The following PPFIBP2 variants were observed in gnomAD, a reference collection of about 807,000 sequenced individuals.
The protein encoded by PPFIBP2 is PPFIB scaffold protein 2.
Under a neutral mutation model 118.3 loss-of-function variants are expected in PPFIBP2, and 118 were observed. The observed-to-expected ratio is 1.00, with a 90% CI of 0.86 to 1.16. The LOEUF is 1.16. PPFIBP2 is among the 50% of genes most tolerant of loss of function. The pLI is 0.00. For missense variants in PPFIBP2, 1,195 were observed against 1,073.1 expected, an observed-to-expected ratio of 1.11 and a Z score of -1.59; for synonymous variants, 414 against 397.4, an observed-to-expected ratio of 1.04 and a Z score of -0.50.
chr11:7,629,087 A>G (rs547083827), intron 9 of PPFIBP2, among the ~76,000 whole-genome samples: 1 of 152,332 alleles, frequency 6.6e-6, no homozygotes, highest in African/African-American at 2.4e-5. Flanking sequence ...ATATTGAGAT[A>G]AATATGACAG....
intron 5 of PPFIBP2, among the ~76,000 whole-genome samples, chr11:7,602,196 T>G (rs774303753): frequency 6.7e-6 from 1 of 148,838 alleles, no homozygotes; most frequent in Non-Finnish European, 1.5e-5. Context: ...AGCCTGAAAA[T>G]AGAACTCACA....
Position 7,565,628 on chromosome 11 carries a change from C to T in PPFIBP2, c.140C>T (p.Pro47Leu). The T allele has an allele frequency of 6.2e-7, 1 of 1,614,202 alleles. No homozygotes were observed. The highest frequency in any genetic ancestry group is 8.5e-7 in the Non-Finnish European group (1 of 1,180,026). ...GLASPASYMN[P>L]FPVLHLIEDL... Reference sequence around the variant, plus strand: ...GCTTCCCCGGCCTCCTACATGAACCCCTTCCCGGTGCTCCATCTCATCGAG... The same window carrying T: ...GCTTCCCCGGCCTCCTACATGAACCTCTTCCCGGTGCTCCATCTCATCGAG... The change falls in exon 3 of 24, where the codon CCC becomes CTC. Residue 47 changes from proline to leucine, a missense_variant. Physicochemically the swap from Pro to Leu is moderately conservative, Grantham distance 98. Transcript: ENST00000299492.
chr11:7,537,829 C>CTCCCCAA (rs910694072), intron 1 of PPFIBP2, among the ~76,000 whole-genome samples: 1 of 152,180 alleles, frequency 6.6e-6, no homozygotes, highest in South Asian at 2.1e-4. Context: ...CCGCTCCCCA[C>CTCCCCAA]TCCCCAATCC....
chr11:7,523,415 G>C (rs1849939850), intron 1 of PPFIBP2, among the ~76,000 whole-genome samples: 1 of 152,180 alleles, frequency 6.6e-6, no homozygotes, highest in African/African-American at 2.4e-5. Context: ...AAGAATACTG[G>C]GAGCCAACGT....
At chr11:7,582,164 A>C (rs74051534) in intron 3 of PPFIBP2, among the ~76,000 whole-genome samples, 5,117 of 152,224 alleles carry the variant, frequency 0.034, 292 homozygotes, top group African/African-American at 0.12. Flanking sequence ...AGTGCTTAGG[A>C]AGCACTTTAT....
At chr11:7,519,272 A>G (rs890714057) in intron 1 of PPFIBP2, among the ~76,000 whole-genome samples, 1 of 152,042 alleles carries the variant, frequency 6.6e-6, no homozygotes, top group Admixed American at 6.5e-5. Context: ...TCTAACGGGG[A>G]AAAAGAGGTA....
chr11:7,614,997 G>A (rs2099832427), intron 6 of PPFIBP2, among the ~76,000 whole-genome samples: 1 of 152,182 alleles, frequency 6.6e-6, no homozygotes, highest in African/African-American at 2.4e-5. Flanking sequence ...CTTTATGGGA[G>A]GGAAACAGAC....
At chr11:7,584,095 C>CT in intron 3 of PPFIBP2, among the ~76,000 whole-genome samples, 1 of 152,194 alleles carries the variant, frequency 6.6e-6, no homozygotes, top group East Asian at 1.9e-4. Context: ...AGGTTGATTT[C>CT]TTTTTTCCTT....
the PPFIBP2 span, chr11:7,665,837 G>C: frequency 2.0e-6 from 3 of 1,535,172 alleles, no homozygotes; most frequent in South Asian, 1.2e-5. Flanking sequence ...CGAGGTGTGT[G>C]AATCAGTACA....
At chr11:7,649,332 T>C in intron 20 of PPFIBP2, 97 bp downstream of exon 20, 1 of 1,302,808 alleles carries the variant, frequency 7.7e-7, no homozygotes, top group Non-Finnish European at 1.1e-6. Flanking sequence ...CATATATTCT[T>C]AAGGCCTTGA....
At chr11:7,647,320 G>A (rs1853245444) in intron 17 of PPFIBP2, among the ~76,000 whole-genome samples, 1 of 152,116 alleles carries the variant, frequency 6.6e-6, no homozygotes, top group African/African-American at 2.4e-5. Context: ...GGGATTTTTA[G>A]TGTGCTATTC....
At chr11:7,634,739 G>A (rs536125707) in intron 13 of PPFIBP2, among the ~76,000 whole-genome samples, 187 bp downstream of exon 13, 46 of 152,292 alleles carry the variant, frequency 3.0e-4, no homozygotes, top group African/African-American at 1.1e-3. Context: ...CTTAGAGGAA[G>A]GACAATTCAG....
At chr11:7,597,926 C>CA in intron 5 of PPFIBP2, 1 of 414,158 alleles carries the variant, frequency 2.4e-6, no homozygotes, top group Non-Finnish European at 4.4e-6. Flanking sequence ...GATTCCCAGA[C>CA]AGCACTTTCT....
intron 3 of PPFIBP2, among the ~76,000 whole-genome samples, chr11:7,586,763 A>G (rs1462829786): frequency 6.6e-6 from 1 of 152,216 alleles, no homozygotes; most frequent in Non-Finnish European, 1.5e-5. Flanking sequence ...AAGCACCACA[A>G]GAAAGTCCCC....
intron 6 of PPFIBP2, among the ~76,000 whole-genome samples, chr11:7,615,402 G>T (rs1330167116): frequency 1.3e-5 from 2 of 151,206 alleles, no homozygotes; most frequent in Non-Finnish European, 2.9e-5. Flanking sequence ...AGACATACCA[G>T]AAAACAATGA....
At chr11:7,602,131 G>T (rs1307270632) in intron 5 of PPFIBP2, among the ~76,000 whole-genome samples, 1 of 146,318 alleles carries the variant, frequency 6.8e-6, no homozygotes, top group Non-Finnish European at 1.5e-5. Context: ...TTTCTCAAAA[G>T]GATCTTTAAG....
chr11:7,611,623 C>T (rs552504104), intron 6 of PPFIBP2, among the ~76,000 whole-genome samples: 6 of 152,346 alleles, frequency 3.9e-5, no homozygotes, highest in Non-Finnish European at 7.3e-5. Context: ...AGCTCAGTGG[C>T]TTTGTGACCT....
intron 17 of PPFIBP2, among the ~76,000 whole-genome samples, chr11:7,647,341 T>C (rs977282742): frequency 2.0e-5 from 3 of 152,192 alleles, no homozygotes; most frequent in African/African-American, 7.2e-5. Context: ...ACACTTTAAA[T>C]GAAAAATGGA....
chr11:7,518,827 G>A (rs56888508), intron 1 of PPFIBP2, among the ~76,000 whole-genome samples: 9,369 of 152,258 alleles, frequency 0.062, 401 homozygotes, highest in Admixed American at 0.13. Flanking sequence ...TAGCACTGGC[G>A]CTGAAGTGAG....
Sources: gnomAD v4.1 joint callset for allele counts (sites outside exome capture counted in the v4.1 genomes callset) on GRCh38, gnomAD v4.1.1 for gene constraint, MANE v1.5 for transcripts, NCBI Gene and HGNC (gene_info 2026-07-23, HGNC 2026-07-21) for gene names.